The following OPA3 variants were observed in gnomAD, a reference collection of about 807,000 sequenced individuals.
The protein encoded by OPA3 is outer mitochondrial membrane lipid metabolism regulator OPA3.
In OPA3, 6 loss-of-function variants were observed where a neutral mutation model predicts 4.0. The ratio of observed to expected loss-of-function variants is 1.51; its 90% CI spans 0.83 to 2.99. The LOEUF (loss-of-function observed/expected upper bound fraction) is 2.99. OPA3 is among the 30% of genes most tolerant of loss of function. The pLI, the probability that OPA3 is intolerant of heterozygous loss-of-function variation, is 0.00. For synonymous variants in OPA3, 105 were observed against 117.1 expected, an observed-to-expected ratio of 0.90 and a Z score of 0.67; for missense variants, 235 against 256.2, an observed-to-expected ratio of 0.92 and a Z score of 0.56.
At chr19:45,578,396 GCCC>G (rs2122511920) in intron 1 of OPA3, among the ~76,000 whole-genome samples, 2 of 148,640 alleles carry the variant, frequency 1.3e-5, no homozygotes, top group East Asian at 2.0e-4. Flanking sequence ...CTGATCTTGT[GCCC>G]GCCCTCCCCC....
chr19:45,567,722 G>C (rs1428160903), intron 1 of OPA3, among the ~76,000 whole-genome samples: 2 of 152,048 alleles, frequency 1.3e-5, no homozygotes, highest in East Asian at 3.9e-4. Context: ...GAGGAGTTTG[G>C]GAGCCAGTGG....
intron 1 of OPA3, among the ~76,000 whole-genome samples, chr19:45,563,638 C>T (rs2122470274): frequency 1.3e-5 from 2 of 151,912 alleles, no homozygotes; most frequent in South Asian, 2.1e-4. Flanking sequence ...TTACTGTGGC[C>T]TGGAATCCCA....
intron 1 of OPA3, among the ~76,000 whole-genome samples, chr19:45,555,545 C>G (rs529386823): frequency 6.6e-6 from 1 of 151,374 alleles, no homozygotes; most frequent in African/African-American, 2.4e-5. Flanking sequence ...GGCTGGAGTG[C>G]AGTGGCGCGA....
intron 1 of OPA3, among the ~76,000 whole-genome samples, chr19:45,582,735 A>G (rs1969875212): frequency 6.6e-6 from 1 of 152,132 alleles, no homozygotes; most frequent in African/African-American, 2.4e-5. Flanking sequence ...TGATCCATCA[A>G]GTGCAGGGTC....
chr19:45,574,256 G>A (rs1453126918), intron 1 of OPA3, among the ~76,000 whole-genome samples: 2 of 151,996 alleles, frequency 1.3e-5, no homozygotes, highest in South Asian at 2.1e-4. Context: ...TTAGCTGGGC[G>A]TGGTGGCGGG....
rs538145979 is a variant in OPA3, at chr19:45,548,252, C to G, written c.*5262G>C. The G allele has an allele frequency of 5.2e-5, 51 of 985,570 alleles. No homozygotes were observed. Among genetic ancestry groups the G allele is most frequent in the South Asian group, 5.2e-4 (11 of 21,292 alleles). 61.1% of individuals were successfully genotyped at this position (985,570 alleles called of 1,614,324 possible). A position where few individuals can be genotyped will look rare whatever the true frequency, so the allele number is the denominator to read the frequency against. On this transcript the variant is annotated 3_prime_UTR_variant, in exon 2 of 2. Coordinates refer to ENST00000263275, the MANE Select transcript of OPA3 (RefSeq NM_025136.4). ...GGAGTAGCTCCGTGAGCCAATAGAT[C>G]AGGTTGGGGCTTATGTAAAGCCCAT...
At chr19:45,570,980 G>GGA (rs1969655521) in intron 1 of OPA3, among the ~76,000 whole-genome samples, 1 of 99,490 alleles carries the variant, frequency 1.0e-5, no homozygotes, top group Non-Finnish European at 1.9e-5. Flanking sequence ...AAACTATTTG[G>GGA]GGGGGGGGGG....
chr19:45,544,308 T>C (rs1034365860), downstream of OPA3, among the ~76,000 whole-genome samples: 1 of 152,192 alleles, frequency 6.6e-6, no homozygotes, highest in African/African-American at 2.4e-5. Flanking sequence ...GTTCAACAGA[T>C]GTATGAATAA....
Position 45,559,397 on chromosome 19 carries a change from C to CT in OPA3, c.143-5487dup, listed in dbSNP as rs71338781. ...CTCTCTTCTTTCCCTCTTTTTCTTT[C>CT]TTTTTTTTTTTTTTTTTTTTTTGAG... is the stretch of plus-strand genomic sequence containing the variant. On this transcript the variant is annotated intron_variant, in intron 1 of 1. Coordinates refer to ENST00000263275, the MANE Select transcript of OPA3 (RefSeq NM_025136.4). Among the ~76,000 whole-genome samples, 29 of 59,902 alleles carry CT rather than the reference C, an allele frequency of 4.8e-4. 1 individual carries two copies. Among genetic ancestry groups the CT allele is most frequent in the Admixed American group, 7.7e-4 (3 of 3,890 alleles). The allele number at this position is 59,902 out of a possible 152,430, so 39.3% of individuals were successfully genotyped here.
At chr19:45,540,725 C>G (rs1281339350) in intron 1 of OPA3, among the ~76,000 whole-genome samples, 1 of 151,746 alleles carries the variant, frequency 6.6e-6, no homozygotes, top group East Asian at 1.9e-4. Flanking sequence ...ATCACTTGAA[C>G]CTGGGAGGCG....
At position 45,571,661 on chromosome 19, in the gene OPA3, A is replaced by C. The variant is rs188252356; in HGVS notation, c.142+12962T>G. Among the ~76,000 whole-genome samples the C allele has an allele frequency of 1.2e-3, 187 of 152,286 alleles. 1 individual carries two copies. The highest frequency in any genetic ancestry group is 5.7e-4 in the Non-Finnish European group (39 of 68,026). On this transcript the variant is annotated intron_variant, in intron 1 of 1. Transcript: ENST00000263275. ...TTTTCAAACACTGGTGCGTGTGAGAATGTACTCTAGAGACTGCTAAAAATA... is the reference window on the plus strand; with the variant it reads ...TTTTCAAACACTGGTGCGTGTGAGACTGTACTCTAGAGACTGCTAAAAATA...
chr19:45,544,411 G>A (rs951666134), downstream of OPA3, among the ~76,000 whole-genome samples: 1 of 152,214 alleles, frequency 6.6e-6, no homozygotes, highest in Non-Finnish European at 1.5e-5. Flanking sequence ...TGTAATCCCA[G>A]CACTTTGGGA....
intron 1 of OPA3, among the ~76,000 whole-genome samples, chr19:45,581,690 G>A (rs1002508801): frequency 3.3e-5 from 5 of 152,188 alleles, no homozygotes; most frequent in African/African-American, 9.7e-5. Flanking sequence ...GTGTGTAACC[G>A]CCCAAGGAGT....
chr19:45,557,802 G>A (rs926361136), intron 1 of OPA3, among the ~76,000 whole-genome samples: 39 of 152,180 alleles, frequency 2.6e-4, no homozygotes, highest in Non-Finnish European at 1.0e-4. Flanking sequence ...TTACCTGTCT[G>A]CAATCAGTCT....
At chr19:45,538,038 T>C (rs1599951923) in intron 1 of OPA3, among the ~76,000 whole-genome samples, 3 of 131,066 alleles carry the variant, frequency 2.3e-5, no homozygotes, top group Non-Finnish European at 4.9e-5. Flanking sequence ...AGGTTGCAGG[T>C]TGCAGTGAGC....
rs1969252166 is a variant in OPA3 at position 45,546,581 on chromosome 19, A to T, written c.*6933T>A. 1 of 201,170 alleles carries T rather than the reference A, an allele frequency of 5.0e-6. No homozygotes were observed. The highest frequency in any genetic ancestry group is 8.8e-6 in the Non-Finnish European group (1 of 113,832). 12.5% of individuals were successfully genotyped at this position (201,170 alleles called of 1,614,324 possible). A position where few individuals can be genotyped will look rare whatever the true frequency, so the allele number is the denominator to read the frequency against. ...CCTGATCTCAGTTCACTGCAGCCTT[A>T]AACACCCGGGTTCAAGCGATCCTCC... is the stretch of plus-strand genomic sequence containing the variant. On this transcript the variant is annotated 3_prime_UTR_variant, in exon 2 of 2. Transcript: ENST00000263275.
rs1424006484 is a variant in OPA3, at chr19:45,552,979, C to G, written c.*535G>C. 1.0e-6 allele frequency: 1 copy of G among 991,760 alleles called. No individual in the cohort carries two copies. The highest frequency in any genetic ancestry group is 1.2e-6 in the Non-Finnish European group (1 of 834,104). The allele number at this position is 991,760 out of a possible 1,614,324, so 61.4% of individuals were successfully genotyped here. A position where few individuals can be genotyped will look rare whatever the true frequency, so the allele number is the denominator to read the frequency against. ...GCGTGAGCCACCGCTCCCAGCCGCA[C>G]CGTTTTTTTCCTCCTTAAGAGAGCA... On this transcript the variant is annotated 3_prime_UTR_variant, in exon 2 of 2. Transcript: ENST00000263275.
At chr19:45,568,761 C>T (rs1264592925) in intron 1 of OPA3, among the ~76,000 whole-genome samples, 1 of 152,148 alleles carries the variant, frequency 6.6e-6, no homozygotes, top group Non-Finnish European at 1.5e-5. Context: ...AATTAGGGCA[C>T]TGCTTTCCCT....
chr19:45,555,901 G>A (rs1426079588), intron 1 of OPA3, among the ~76,000 whole-genome samples: 5 of 151,984 alleles, frequency 3.3e-5, no homozygotes, highest in Admixed American at 2.6e-4. Flanking sequence ...CAAAGTGCTG[G>A]GATTGCAATC....
Sources: gnomAD v4.1 joint callset for allele counts (sites outside exome capture counted in the v4.1 genomes callset) on GRCh38, gnomAD v4.1.1 for gene constraint, MANE v1.5 for transcripts, NCBI Gene and HGNC (gene_info 2026-07-23, HGNC 2026-07-21) for gene names.